The following WFDC3 variants were observed in gnomAD, a reference collection of about 807,000 sequenced individuals.
WFDC3 encodes WAP four-disulfide core domain 3, also known as WAP four-disulfide core domain protein 3.
WFDC3 carries 15 observed loss-of-function variants against 25.8 expected under a neutral mutation model. That is an observed-to-expected ratio of 0.58 (90% CI 0.39 to 0.89). WFDC3 has a LOEUF of 0.89. WFDC3 is among the 40% of genes least tolerant of loss of function. WFDC3 has a pLI of 0.00. For synonymous variants in WFDC3, 103 were observed against 107.1 expected, an observed-to-expected ratio of 0.96 and a Z score of 0.24; for missense variants, 264 against 289.8, an observed-to-expected ratio of 0.91 and a Z score of 0.65.
At chr20:45,790,548 A>G (rs1301639682) in intron 1 of WFDC3, among the ~76,000 whole-genome samples, 1 of 152,204 alleles carries the variant, frequency 6.6e-6, no homozygotes, top group Non-Finnish European at 1.5e-5. Context: ...AACATGGCGA[A>G]ACCCTGTCTC....
At chr20:45,790,681 T>C (rs1470417152) in intron 1 of WFDC3, among the ~76,000 whole-genome samples, 33 of 150,682 alleles carry the variant, frequency 2.2e-4, no homozygotes, top group Admixed American at 2.0e-3. Context: ...GTGGAGATCA[T>C]GCCACTGCAC....
At chr20:45,776,749 C>A (rs1166729552) in intron 5 of WFDC3, among the ~76,000 whole-genome samples, 1 of 149,230 alleles carries the variant, frequency 6.7e-6, no homozygotes, top group African/African-American at 2.5e-5. Flanking sequence ...GGATCTTGGG[C>A]AACTCCTTCA....
Position 45,787,924 on chromosome 20 carries a change from G to A in WFDC3, c.270C>T (p.Ile90=). The change falls in exon 4 of 7, where the codon ATC becomes ATT. Residue 90 remains isoleucine (I), a synonymous_variant. Coordinates refer to ENST00000243938, the MANE Select transcript of WFDC3 (RefSeq NM_080614.2). ...IRKQSCLKRC[I]TDETCPGVKK... ...TTACACCTGGACATGTCTCATCAGT[G>A]ATGCACCTTTTCAAACAGGATTGTT... 1 of 1,614,084 alleles carries A rather than the reference G, an allele frequency of 6.2e-7. No individual in the cohort carries two copies. The highest frequency in any genetic ancestry group is 8.5e-7 in the Non-Finnish European group (1 of 1,180,004).
rs767376907 is a variant in WFDC3, at chr20:45,777,077, CCCT to C, written c.488_490del (p.Glu163del). The C allele has an allele frequency of 1.4e-5, 23 of 1,612,668 alleles. No individual in the cohort carries two copies. The highest frequency in any genetic ancestry group is 1.9e-5 in the Non-Finnish European group (23 of 1,179,662). On this transcript the variant is annotated inframe_deletion, in exon 5 of 7. Coordinates refer to ENST00000243938, the MANE Select transcript of WFDC3 (RefSeq NM_080614.2). Reference sequence around the variant, plus strand: ...TCTTCCCAAAAGAGCCAACATACCTCCCTCAATGTCTCCGAGGCAGGTGCGGCC... The same window carrying C: ...TCTTCCCAAAAGAGCCAACATACCTCCAATGTCTCCGAGGCAGGTGCGGCC...
rs1374602885 is a variant in WFDC3 at position 45,788,061 on chromosome 20, T to C, written c.212-79A>G. Reference sequence around the variant, plus strand: ...GCTCACACCTGTAATCCCAGCACTTTGGGAGGCCAAGGCGGGTGGATCACC... The same window carrying C: ...GCTCACACCTGTAATCCCAGCACTTCGGGAGGCCAAGGCGGGTGGATCACC... On this transcript the variant is annotated intron_variant, in intron 3 of 6. Transcript: ENST00000243938. 28 of 1,486,136 alleles carry C rather than the reference T, an allele frequency of 1.9e-5. No individual in the cohort carries two copies. The Middle Eastern group carries it at 5.4e-4, about 29-fold the overall frequency. 92.1% of individuals were successfully genotyped at this position (1,486,136 alleles called of 1,614,324 possible). A position where few individuals can be genotyped will look rare whatever the true frequency, so the allele number is the denominator to read the frequency against.
chr20:45,776,849 C>A (rs1980209574), intron 5 of WFDC3, among the ~76,000 whole-genome samples: 1 of 151,890 alleles, frequency 6.6e-6, no homozygotes, highest in Non-Finnish European at 1.5e-5. Context: ...AGACCAAAAG[C>A]CACACTGTCT....
At chr20:45,790,126 TC>T in intron 1 of WFDC3, 144 bp from the exon 2 acceptor site, 1 of 589,612 alleles carries the variant, frequency 1.7e-6, no homozygotes. Flanking sequence ...GAATATCTTC[TC>T]CTGACAAGAA....
At chr20:45,787,745 C>A in intron 4 of WFDC3, 91 bp downstream of exon 4, 1 of 1,462,680 alleles carries the variant, frequency 6.8e-7, no homozygotes, top group Non-Finnish European at 9.1e-7. Flanking sequence ...AATATAGCAG[C>A]AAAGTAAAAC....
chr20:45,782,128 A>G (rs1031155800), intron 4 of WFDC3, among the ~76,000 whole-genome samples: 1 of 152,182 alleles, frequency 6.6e-6, no homozygotes, highest in Non-Finnish European at 1.5e-5. Flanking sequence ...GACAACTGTC[A>G]GGCCAGAATC....
At chr20:45,776,208 G>A (rs1313443189) in intron 5 of WFDC3, among the ~76,000 whole-genome samples, 1 of 151,150 alleles carries the variant, frequency 6.6e-6, no homozygotes, top group African/African-American at 2.4e-5. Context: ...ACAGTGCCTG[G>A]CACTCAAAAA....
chr20:45,790,064 G>T, intron 1 of WFDC3, 82 bp from the exon 2 acceptor site: 1 of 1,085,114 alleles, frequency 9.2e-7, no homozygotes, highest in South Asian at 1.3e-5. Flanking sequence ...AGCAGGACTA[G>T]GGATGGCCCC....
rs914388997 is a variant in WFDC3 at position 45,780,056 on chromosome 20, T to C, written c.359-2847A>G. On this transcript the variant is annotated intron_variant, in intron 4 of 6. Coordinates refer to ENST00000243938, the MANE Select transcript of WFDC3 (RefSeq NM_080614.2). ...GCTATCCTACTTAAGCTAGACAGCC[T>C]TTATACCTTTTTTTTTTTTTTTTTT... is the stretch of plus-strand genomic sequence containing the variant. Among the ~76,000 whole-genome samples, 7 of 141,462 alleles carry C rather than the reference T, an allele frequency of 4.9e-5. No homozygotes were observed. The South Asian group carries it at 1.6e-3, about 31-fold the overall frequency. The allele number at this position is 141,462 out of a possible 152,430, so 92.8% of individuals were successfully genotyped here. A position where few individuals can be genotyped will look rare whatever the true frequency, so the allele number is the denominator to read the frequency against.
At chr20:45,791,531 A>G (rs1679479450) in intron 1 of WFDC3, among the ~76,000 whole-genome samples, 1 of 152,134 alleles carries the variant, frequency 6.6e-6, no homozygotes, top group African/African-American at 2.4e-5. Flanking sequence ...TCCTGATGGC[A>G]AGTGATCCTC....
chr20:45,788,151 A>G (rs1980774197), intron 3 of WFDC3, 169 bp from the exon 4 acceptor site: 3 of 597,428 alleles, frequency 5.0e-6, no homozygotes, highest in Admixed American at 7.9e-5. Flanking sequence ...TAAAAATACA[A>G]AATTAGTCGG....
At chr20:45,790,874 T>G in intron 1 of WFDC3, 1 of 471,124 alleles carries the variant, frequency 2.1e-6, no homozygotes. Flanking sequence ...GAAGTCTAGC[T>G]GGCAGAACCC....
At chr20:45,788,885 C>T (rs749333363) in intron 3 of WFDC3, 46 bp downstream of exon 3, 2 of 1,568,786 alleles carry the variant, frequency 1.3e-6, no homozygotes, top group African/African-American at 1.4e-5. Flanking sequence ...ATCCCAGAGG[C>T]AATGTCAGAG....
At chr20:45,781,738 T>C (rs1348689382) in intron 4 of WFDC3, among the ~76,000 whole-genome samples, 1 of 152,118 alleles carries the variant, frequency 6.6e-6, no homozygotes, top group Non-Finnish European at 1.5e-5. Context: ...GTACCAAGAT[T>C]CCAGACTCTC....
intron 2 of WFDC3, 119 bp downstream of exon 2, chr20:45,789,775 T>C (rs903014566): frequency 7.2e-6 from 6 of 838,494 alleles, no homozygotes; most frequent in African/African-American, 3.3e-5. Context: ...TCCTGTCCTA[T>C]AGAGATGATC....
intron 5 of WFDC3, among the ~76,000 whole-genome samples, chr20:45,776,790 A>G (rs1980205987): frequency 6.6e-6 from 1 of 151,890 alleles, no homozygotes; most frequent in South Asian, 2.1e-4. Flanking sequence ...GGGCTCAAAA[A>G]GACGGGTTTG....
Sources: allele counts gnomAD v4.1 joint callset (sites outside exome capture counted in the v4.1 genomes callset), GRCh38; gene constraint gnomAD v4.1.1; transcripts MANE v1.5; gene names NCBI Gene and HGNC (gene_info 2026-07-23, HGNC 2026-07-21).